DPY19L4: variants seen among roughly 807,000 people sequenced by gnomAD.
DPY19L4 encodes the protein dpy-19 like 4.
Under a neutral mutation model 102.8 loss-of-function variants are expected in DPY19L4, and 97 were observed. The observed-to-expected ratio is 0.94, with a 90% CI of 0.80 to 1.12. The LOEUF is 1.12. Ranked by LOEUF, DPY19L4 falls within the 50% of genes most tolerant of loss-of-function variation. DPY19L4 has a pLI of 0.00. For synonymous variants in DPY19L4, 252 were observed against 283.1 expected (o/e 0.89, Z 1.10); for missense variants, 815 against 850.4 (o/e 0.96, Z 0.52).
chr8:94,776,783 G>A (rs971335880), intron 13 of DPY19L4, among the ~76,000 whole-genome samples: 11 of 151,556 alleles, frequency 7.3e-5, no homozygotes, highest in Admixed American at 2.0e-4. Flanking sequence ...TGGCCAACAC[G>A]GTGAAACCTG....
At chr8:94,754,354 C>A in intron 6 of DPY19L4, among the ~76,000 whole-genome samples, 1 of 152,134 alleles carries the variant, frequency 6.6e-6, no homozygotes, top group East Asian at 1.9e-4. Context: ...GCTGTGATAA[C>A]GTGCCGAGCC....
chr8:94,769,275 G>A (rs1346482253), intron 12 of DPY19L4, among the ~76,000 whole-genome samples: 1 of 151,734 alleles, frequency 6.6e-6, no homozygotes, highest in Non-Finnish European at 1.5e-5. Flanking sequence ...TGGTCAGGTT[G>A]GTCTCAAACT....
At chr8:94,771,441 T>C (rs116177956) in intron 13 of DPY19L4, among the ~76,000 whole-genome samples, 3,820 of 152,292 alleles carry the variant, frequency 0.025, 149 homozygotes, top group African/African-American at 0.081. Context: ...CAATAAGCAA[T>C]AGTGGAACAG....
At chr8:94,772,219 T>C (rs1367044611) in intron 13 of DPY19L4, among the ~76,000 whole-genome samples, 1 of 152,148 alleles carries the variant, frequency 6.6e-6, no homozygotes, top group Non-Finnish European at 1.5e-5. Context: ...GATATAGCTA[T>C]ATACATGATA....
Position 94,747,897 on chromosome 8 carries a change from G to A in DPY19L4, c.611+8107G>A, listed in dbSNP as rs373068060. 2.6e-5 allele frequency among the ~76,000 whole-genome samples: 4 copies of A among 151,826 alleles called. No individual in the cohort carries two copies. The South Asian group carries it at 6.2e-4, about 24-fold the overall frequency. Reference sequence around the variant, plus strand: ...TTTCTAAACATTAAAATGAAGACACGAAATTAAACTCAAAGAGAAGTTGCA... The same window carrying A: ...TTTCTAAACATTAAAATGAAGACACAAAATTAAACTCAAAGAGAAGTTGCA... On this transcript the variant is annotated intron_variant, in intron 6 of 18. Coordinates refer to ENST00000414645, the MANE Select transcript of DPY19L4 (RefSeq NM_181787.3).
intron 6 of DPY19L4, among the ~76,000 whole-genome samples, chr8:94,746,025 A>G (rs1470087488): frequency 7.1e-6 from 1 of 140,184 alleles, no homozygotes; most frequent in East Asian, 2.2e-4. Flanking sequence ...ACATGCTGGG[A>G]TTACAGGCGT....
intron 13 of DPY19L4, among the ~76,000 whole-genome samples, chr8:94,772,745 A>G (rs1391991865): frequency 6.6e-6 from 1 of 152,216 alleles, no homozygotes; most frequent in Non-Finnish European, 1.5e-5. Context: ...CATAAATCAC[A>G]CTGTTAGCAT....
In DPY19L4 at chr8:94,787,919, C is replaced by G. The variant is rs776256593; in HGVS notation, c.1874C>G (p.Ser625Cys). Residue 625 changes from serine (S) to cysteine (C), a missense_variant, in exon 18 of 19, where the codon TCT becomes TGT. Ser to Cys is a moderately radical substitution (Grantham distance 112). Transcript: ENST00000414645. The stretch of plus-strand genomic sequence containing the variant: ...ATCTACCAAATCTATTCAAAGCGAT[C>G]TGCTGAGGATATTTATAAAATACTG... The part of the protein sequence containing the change: ...ENIYQIYSKR[S>C]AEDIYKILTS... 53 of 1,426,266 alleles carry G rather than the reference C, an allele frequency of 3.7e-5. No individual in the cohort carries two copies. Among genetic ancestry groups the G allele is most frequent in the Non-Finnish European group, 4.9e-5 (53 of 1,086,316 alleles). The allele number at this position is 1,426,266 out of a possible 1,614,324, so 88.4% of individuals were successfully genotyped here. A position where few individuals can be genotyped will look rare whatever the true frequency, so the allele number is the denominator to read the frequency against.
intron 6 of DPY19L4, among the ~76,000 whole-genome samples, chr8:94,752,887 G>C (rs1374244159): frequency 6.6e-6 from 1 of 151,272 alleles, no homozygotes; most frequent in Non-Finnish European, 1.5e-5. Flanking sequence ...GGATGGTCTC[G>C]ATTTCCTGAC....
intron 4 of DPY19L4, among the ~76,000 whole-genome samples, chr8:94,739,133 T>G (rs1463730655): frequency 6.6e-6 from 1 of 152,186 alleles, no homozygotes; most frequent in Non-Finnish European, 1.5e-5. Flanking sequence ...TAATTTTGTA[T>G]CCATTAACCA....
chr8:94,765,024 G>A (rs539000661), intron 8 of DPY19L4, among the ~76,000 whole-genome samples, 159 bp from the exon 9 acceptor site: 62 of 151,400 alleles, frequency 4.1e-4, no homozygotes, highest in Middle Eastern at 3.4e-3. Context: ...CACCATGCCC[G>A]GCCAACATTA....
At chr8:94,762,917 G>T (rs904452470) in intron 8 of DPY19L4, among the ~76,000 whole-genome samples, 1 of 151,744 alleles carries the variant, frequency 6.6e-6, no homozygotes, top group African/African-American at 2.4e-5. Context: ...CCCCCAACAG[G>T]GTAGCTACTG....
intron 11 of DPY19L4, 102 bp downstream of exon 11, chr8:94,766,787 C>A (rs1812692311): frequency 1.8e-6 from 2 of 1,115,914 alleles, no homozygotes; most frequent in East Asian, 5.2e-5. Context: ...TCTGTAATCC[C>A]AGCACTTTAG....
chr8:94,743,497 A>G (rs1811536872), intron 6 of DPY19L4, among the ~76,000 whole-genome samples: 1 of 149,798 alleles, frequency 6.7e-6, no homozygotes, highest in South Asian at 2.1e-4. Context: ...AAAAAAAAAT[A>G]GCCAGGCTTG....
At chr8:94,776,692 C>G (rs372933973) in intron 13 of DPY19L4, among the ~76,000 whole-genome samples, 88 of 151,718 alleles carry the variant, frequency 5.8e-4, no homozygotes, top group African/African-American at 2.0e-3. Context: ...TGGCCAGGTG[C>G]GGTGGCTCAT....
intron 8 of DPY19L4, among the ~76,000 whole-genome samples, chr8:94,764,254 CTTTAT>C (rs1234481326): frequency 2.6e-5 from 4 of 152,058 alleles, no homozygotes; most frequent in Non-Finnish European, 5.9e-5. Context: ...TTTTAAAGCT[CTTTAT>C]TTTGTTTCCA....
Position 94,792,962 on chromosome 8 carries a change from T to C in DPY19L4, c.*3052T>C, listed in dbSNP as rs1464086480. 2.6e-5 allele frequency: 4 copies of C among 152,212 alleles called. No homozygotes were observed. The highest frequency in any genetic ancestry group is 4.4e-5 in the Non-Finnish European group (3 of 68,038). The allele number at this position is 152,212 out of a possible 1,614,324, so 9.4% of individuals were successfully genotyped here. Reference sequence around the variant, plus strand: ...TAAAATTTACCTTGAATAAGATATATGATATTGATTCTGAGCTGCTTTGTA... The same window carrying C: ...TAAAATTTACCTTGAATAAGATATACGATATTGATTCTGAGCTGCTTTGTA... On this transcript the variant is annotated 3_prime_UTR_variant, in exon 19 of 19. Coordinates refer to ENST00000414645, the MANE Select transcript of DPY19L4 (RefSeq NM_181787.3).
chr8:94,737,608 C>G (rs1224318166), intron 3 of DPY19L4, among the ~76,000 whole-genome samples: 2 of 149,530 alleles, frequency 1.3e-5, no homozygotes, highest in African/African-American at 5.1e-5. Flanking sequence ...ACGGTGAAAC[C>G]CCGTCTCTAC....
chr8:94,768,449 A>C lies in DPY19L4; in HGVS notation c.1230A>C (p.Gln410His). 1.2e-6 allele frequency: 2 copies of C among 1,609,862 alleles called. No homozygotes were observed. Among genetic ancestry groups the C allele is most frequent in the Non-Finnish European group, 1.7e-6 (2 of 1,178,660 alleles). Residue 410 changes from glutamine to histidine, a missense_variant, in exon 12 of 19, where the codon CAA becomes CAC. Coordinates refer to ENST00000414645, the MANE Select transcript of DPY19L4 (RefSeq NM_181787.3). The part of the protein sequence containing the change: ...LCQESLQAPS[Q>H]DFFLRLTQSS... Reference sequence around the variant, plus strand: ...AAGAATCCCTGCAGGCACCATCTCAAGATTTTTTTCTGCGATTGACACAGT... The same window carrying C: ...AAGAATCCCTGCAGGCACCATCTCACGATTTTTTTCTGCGATTGACACAGT...
Sources: allele counts gnomAD v4.1 joint callset (sites outside exome capture counted in the v4.1 genomes callset), GRCh38; gene constraint gnomAD v4.1.1; transcripts MANE v1.5; gene names NCBI Gene and HGNC (gene_info 2026-07-23, HGNC 2026-07-21).